The following MYLK variants were observed in gnomAD, a reference collection of about 807,000 sequenced individuals.
The protein encoded by MYLK is myosin light chain kinase, smooth muscle.
A neutral mutation model predicts 203.4 loss-of-function variants in MYLK; 106 were observed. The observed-to-expected ratio is 0.52, with a 90% CI of 0.45 to 0.61. MYLK has a LOEUF of 0.61. MYLK is among the 20% of genes least tolerant of loss of function. The probability of loss-of-function intolerance (pLI) is 0.00; values close to 1 mark genes in which losing one functional copy is unlikely to be tolerated. For synonymous variants in MYLK, 867 were observed against 959.5 expected (o/e 0.90, Z 1.78); for missense variants, 2,072 against 2,442.3 (o/e 0.85, Z 3.20).
chr3:123,729,134 C>T (rs1000256151), intron 11 of MYLK, among the ~76,000 whole-genome samples: 4 of 152,090 alleles, frequency 2.6e-5, no homozygotes, highest in African/African-American at 4.8e-5. Context: ...TCCTGTCTCA[C>T]CTCTGGCTGA....
At chr3:123,862,207 C>T (rs541014074) in intron 2 of MYLK, among the ~76,000 whole-genome samples, 11 of 152,344 alleles carry the variant, frequency 7.2e-5, no homozygotes, top group Admixed American at 3.3e-4. Context: ...GCCATCTGTG[C>T]TAAAACTATG....
chr3:123,767,840 G>A (rs1408118498), intron 4 of MYLK, among the ~76,000 whole-genome samples: 1 of 152,198 alleles, frequency 6.6e-6, no homozygotes, highest in Non-Finnish European at 1.5e-5. Context: ...GAGAGGCCTG[G>A]TGGCCCTTGA....
intron 9 of MYLK, 101 bp downstream of exon 9, chr3:123,735,295 TTC>T: frequency 6.7e-7 from 1 of 1,485,722 alleles, no homozygotes; most frequent in Non-Finnish European, 9.4e-7. Context: ...TGGCCAATTC[TTC>T]TGCCCCATAA....
At chr3:123,674,502 CTT>C (rs1454168198) in intron 20 of MYLK, among the ~76,000 whole-genome samples, 1 of 152,232 alleles carries the variant, frequency 6.6e-6, no homozygotes, top group East Asian at 1.9e-4. Context: ...TCATCCCCAA[CTT>C]TCTTGCTTGC....
chr3:123,760,880 T>C (rs1199174344), intron 4 of MYLK, among the ~76,000 whole-genome samples: 1 of 152,230 alleles, frequency 6.6e-6, no homozygotes, highest in Admixed American at 6.5e-5. Flanking sequence ...AAACACATTT[T>C]AAAACAAATA....
chr3:123,787,378 G>T (rs893368320), intron 4 of MYLK, among the ~76,000 whole-genome samples: 1 of 152,152 alleles, frequency 6.6e-6, no homozygotes, highest in African/African-American at 2.4e-5. Context: ...GAGTGCTGAT[G>T]GGGTAACAGA....
rs561990655 is a variant in MYLK at position 123,642,529 on chromosome 3, G to C, written c.4620-2025C>G. 6.6e-6 allele frequency among the ~76,000 whole-genome samples: 1 copy of C among 152,304 alleles called. No individual in the cohort carries two copies. Among genetic ancestry groups the C allele is most frequent in the African/African-American group, 2.4e-5 (1 of 41,568 alleles). On this transcript the variant is annotated intron_variant, in intron 27 of 33. Transcript: ENST00000360304. The surrounding 1 kb of genome is among the most constrained non-coding windows in gnomAD (Gnocchi z 4.2). The stretch of plus-strand genomic sequence containing the variant: ...AACTGGAGAAGGTCAGTCTGTGCCA[G>C]TGACAGCTGGAGGGAGCTAGAACTC...
chr3:123,643,402 C>T (rs2058901743), intron 27 of MYLK, among the ~76,000 whole-genome samples: 1 of 152,144 alleles, frequency 6.6e-6, no homozygotes, highest in Admixed American at 6.5e-5. Context: ...GAATCTGAGC[C>T]ATGGAGATAA....
chr3:123,811,840 T>C (rs941254643), intron 3 of MYLK, among the ~76,000 whole-genome samples: 5 of 152,212 alleles, frequency 3.3e-5, no homozygotes, highest in African/African-American at 9.6e-5. Flanking sequence ...CCAGGTGTGA[T>C]TGATTAGGCC....
chr3:123,734,246 T>TTGGGG, intron 9 of MYLK, 24 bp from the exon 10 acceptor site: 1 of 1,415,792 alleles, frequency 7.1e-7, no homozygotes, highest in Non-Finnish European at 9.3e-7. Context: ...AGGGTGGGGG[T>TTGGGG]AGGGTGGGTG....
intron 8 of MYLK, chr3:123,735,714 A>G (rs949392811): frequency 5.2e-6 from 2 of 386,340 alleles, no homozygotes; most frequent in Non-Finnish European, 9.6e-6. Flanking sequence ...ACAAACAAAC[A>G]TCTACTGAAA....
Position 123,700,886 on chromosome 3 carries a change from A to G in MYLK, c.2582T>C (p.Leu861Pro), listed in dbSNP as rs3732486. The G allele has an allele frequency of 0.061, 98,679 of 1,612,728 alleles. 12,902 individuals are homozygous for G. Among genetic ancestry groups the G allele is most frequent in the East Asian group, 0.49 (21,899 of 44,802 alleles). The change falls in exon 18 of 34, where the codon CTA becomes CCA. Residue 861 changes from leucine to proline, a missense_variant. Coordinates refer to ENST00000360304, the MANE Select transcript of MYLK (RefSeq NM_053025.4). Reference sequence around the variant, plus strand: ...CACGTCCTCGCCGTCTTCCTCCTCTAGCCAACCCTGCCCTCTTGCTGGCCA... The same window carrying G: ...CACGTCCTCGCCGTCTTCCTCCTCTGGCCAACCCTGCCCTCTTGCTGGCCA... ...PGWPARGQGW[L>P]EEEDGEDVRG...
chr3:123,700,988 C>T lies in MYLK; in HGVS notation c.2480G>A (p.Ser827Asn), dbSNP rs1312174861. The part of the protein sequence containing the change: ...RALPRGREPA[S>N]CEDLCGGGVG... The stretch of plus-strand genomic sequence containing the variant: ...TCCTCCACCACAGAGGTCCTCGCAG[C>T]TGGCAGGCTCCCTCCCCCTGCAACC... Residue 827 changes from serine to asparagine, a missense_variant, in exon 18 of 34, where the codon AGC becomes AAC. Physicochemically the swap from Ser to Asn is conservative, Grantham distance 46 (BLOSUM62 1). Coordinates refer to ENST00000360304, the MANE Select transcript of MYLK (RefSeq NM_053025.4). The T allele has an allele frequency of 6.2e-7, 1 of 1,605,912 alleles. No individual in the cohort carries two copies. Among genetic ancestry groups the T allele is most frequent in the Non-Finnish European group, 8.5e-7 (1 of 1,179,966 alleles).
chr3:123,768,184 C>T (rs1004472245), intron 4 of MYLK, among the ~76,000 whole-genome samples: 5 of 152,232 alleles, frequency 3.3e-5, no homozygotes, highest in Admixed American at 2.0e-4. Context: ...AGGACGCAAG[C>T]ATGAGAGCAG....
At chr3:123,732,800 G>GT in intron 11 of MYLK, 96 bp downstream of exon 11, 1 of 1,223,774 alleles carries the variant, frequency 8.2e-7, no homozygotes, top group Non-Finnish European at 1.2e-6. Context: ...CACCAAGGCA[G>GT]GGGGCTATAG....
Position 123,700,884 on chromosome 3 carries a change from C to G in MYLK, c.2584G>C (p.Glu862Gln), listed in dbSNP as rs770667051. The G allele has an allele frequency of 3.1e-6, 5 of 1,613,150 alleles. No individual in the cohort carries two copies. The highest frequency in any genetic ancestry group is 3.4e-6 in the Non-Finnish European group (4 of 1,180,030). The stretch of plus-strand genomic sequence containing the variant: ...CGCACGTCCTCGCCGTCTTCCTCCT[C>G]TAGCCAACCCTGCCCTCTTGCTGGC... ...GWPARGQGWL[E>Q]EEDGEDVRGV... Residue 862 changes from glutamate to glutamine, a missense_variant, in exon 18 of 34, where the codon GAG becomes CAG. Around this residue, in one of 3 missense-constraint regions of MYLK, gnomAD observed 865 missense variants for 1,016.0 expected, o/e 0.85. Coordinates refer to ENST00000360304, the MANE Select transcript of MYLK (RefSeq NM_053025.4).
At chr3:123,770,701 G>T (rs765395531) in intron 4 of MYLK, among the ~76,000 whole-genome samples, 1 of 152,172 alleles carries the variant, frequency 6.6e-6, no homozygotes, top group Non-Finnish European at 1.5e-5. Flanking sequence ...GATGGAAGTT[G>T]GTCTATTTAG....
Position 123,740,001 on chromosome 3 carries a change from C to T in MYLK, c.374G>A (p.Gly125Glu), listed in dbSNP as rs778852995. 3 of 1,613,758 alleles carry T rather than the reference C, an allele frequency of 1.9e-6. No individual in the cohort carries two copies. The highest frequency in any genetic ancestry group is 2.2e-5 in the East Asian group (1 of 44,894). ...RQVTVELTVE[G>E]SFAKQLGQPV... ...CTGACCAAGCTGCTTCGCAAAACTT[C>T]CTGCAAGAAAAAGAGTTGATGAGTC... The change falls in exon 6 of 34, where the codon GGA becomes GAA. Residue 125 changes from glycine to glutamate, a missense_variant and splice_region_variant. Physicochemically the swap from Gly to Glu is moderately conservative, Grantham distance 98. Transcript: ENST00000360304.
rs1456044308 is a variant in MYLK at position 123,610,557 on chromosome 3, G to A, written c.*3548C>T. On this transcript the variant is annotated 3_prime_UTR_variant, in exon 34 of 34. Transcript: ENST00000360304. ...CTTCTGGTCACAGCTCACTGACTAG[G>A]ACTAGTCACATGGCCCCATCTAACC... 1.3e-5 allele frequency: 2 copies of A among 152,158 alleles called. No individual in the cohort carries two copies. The highest frequency in any genetic ancestry group is 2.4e-5 in the African/African-American group (1 of 41,396). The allele number at this position is 152,158 out of a possible 1,614,324, so 9.4% of individuals were successfully genotyped here. A position where few individuals can be genotyped will look rare whatever the true frequency, so the allele number is the denominator to read the frequency against.
Sources: gnomAD v4.1 joint callset for allele counts (sites outside exome capture counted in the v4.1 genomes callset) on GRCh38, gnomAD v4.1.1 for gene constraint, gnomAD v4.1.1 regional missense constraint, Gnocchi (gnomAD v3.1) non-coding constraint, MANE v1.5 for transcripts, NCBI Gene and HGNC (gene_info 2026-07-23, HGNC 2026-07-21) for gene names.